The following NEDD4L variants were observed in gnomAD, a reference collection of about 807,000 sequenced individuals.
NEDD4L encodes NEDD4 like E3 ubiquitin protein ligase, also known as E3 ubiquitin-protein ligase NEDD4-like.
NEDD4L carries 54 observed loss-of-function variants against 148.9 expected under a neutral mutation model. The ratio of observed to expected loss-of-function variants is 0.36; its 90% confidence interval spans 0.29 to 0.45. NEDD4L has a LOEUF of 0.45. Ranked by LOEUF, NEDD4L falls within the 20% of genes least tolerant of loss-of-function variation. The probability of loss-of-function intolerance (pLI) is 1.00; values close to 1 mark genes in which losing one functional copy is unlikely to be tolerated. For missense variants in NEDD4L, 856 were observed against 1,233.8 expected, an observed-to-expected ratio of 0.69 and a Z score of 4.59; for synonymous variants, 433 against 440.7, an observed-to-expected ratio of 0.98 and a Z score of 0.22.
intron 1 of NEDD4L, among the ~76,000 whole-genome samples, chr18:58,061,666 T>C (rs2082341644): frequency 1.3e-5 from 2 of 152,196 alleles, no homozygotes; most frequent in Admixed American, 1.3e-4. Context: ...TGGGAACATT[T>C]ACCATCTTTT....
intron 8 of NEDD4L, among the ~76,000 whole-genome samples, 198 bp downstream of exon 8, chr18:58,323,532 A>G (rs1276813649): frequency 6.6e-6 from 1 of 152,212 alleles, no homozygotes; most frequent in Non-Finnish European, 1.5e-5. Flanking sequence ...ATGTTACAAC[A>G]CCAATCCTCG....
intron 5 of NEDD4L, among the ~76,000 whole-genome samples, chr18:58,311,782 C>T (rs1430360539): frequency 6.6e-6 from 1 of 152,166 alleles, no homozygotes; most frequent in Non-Finnish European, 1.5e-5. Context: ...TTTGTGAGGA[C>T]ATCTAAGCCT....
intron 5 of NEDD4L, among the ~76,000 whole-genome samples, chr18:58,254,372 A>G (rs924184624): frequency 1.3e-5 from 2 of 152,174 alleles, no homozygotes; most frequent in South Asian, 2.1e-4. Context: ...CAAGCTAACT[A>G]CAAATCTGAT....
At chr18:58,116,508 A>G (rs2085848756) in intron 1 of NEDD4L, among the ~76,000 whole-genome samples, 1 of 152,194 alleles carries the variant, frequency 6.6e-6, no homozygotes, top group African/African-American at 2.4e-5. Flanking sequence ...AGGTGCATCT[A>G]ATGCAGCCTA....
rs559808875 is a variant in NEDD4L, at chr18:58,129,372, T to A, written c.49-36416T>A. ...CTGTCCTGAAATTTGAGTACAGATG[T>A]GTTCATGTCCTGGGATTAGATAAAA... On this transcript the variant is annotated intron_variant, in intron 1 of 30. Transcript: ENST00000400345. Among the ~76,000 whole-genome samples the A allele has an allele frequency of 2.2e-4, 34 of 152,368 alleles. No individual in the cohort carries two copies. The South Asian group carries it at 7.0e-3, about 32-fold the overall frequency.
At chr18:58,216,422 A>G (rs1368657283) in intron 2 of NEDD4L, among the ~76,000 whole-genome samples, 2 of 152,080 alleles carry the variant, frequency 1.3e-5, no homozygotes, top group African/African-American at 4.8e-5. Context: ...GGTGTGATTT[A>G]TTGTAGCAAG....
At chr18:58,047,248 G>A (rs2081626825) in intron 1 of NEDD4L, 6 of 985,150 alleles carry the variant, frequency 6.1e-6, no homozygotes, top group Non-Finnish European at 7.2e-6. Context: ...ATTTAGAAGA[G>A]TGACCTCATA....
Position 58,198,887 on chromosome 18 carries a change from C to T in NEDD4L, c.122+33026C>T, listed in dbSNP as rs529975972. Among the ~76,000 whole-genome samples, 6 of 152,290 alleles carry T rather than the reference C, an allele frequency of 3.9e-5. No individual in the cohort carries two copies. The East Asian group carries it at 1.2e-3, about 29-fold the overall frequency. ...TGGCGCAATCTCCGCTCACAGCAACCTCTACCTCCCAGGTTCAAGCAATTC... is the reference window on the plus strand; with the variant it reads ...TGGCGCAATCTCCGCTCACAGCAACTTCTACCTCCCAGGTTCAAGCAATTC... On this transcript the variant is annotated intron_variant, in intron 2 of 30. Coordinates refer to ENST00000400345, the MANE Select transcript of NEDD4L (RefSeq NM_001144967.3).
At position 58,347,205 on chromosome 18, in the gene NEDD4L, G is replaced by GCCCCCCCCCCCCCCCCCCCCCC. The variant is rs138430099; in HGVS notation, c.1576-2324_1576-2323insCCCCCCCCCCCCCCCCCCCCCC. ...AATTTCAGCTTCTTTTCACGCTACGGCCCCCCCCGCCCCCCCCCCCCCTTT... is the reference window on the plus strand; with the variant it reads ...AATTTCAGCTTCTTTTCACGCTACGGCCCCCCCCCCCCCCCCCCCCCCCCCCCCCCGCCCCCCCCCCCCCTTT... On this transcript the variant is annotated intron_variant, in intron 16 of 30. Transcript: ENST00000400345. 3.3e-4 allele frequency among the ~76,000 whole-genome samples: 13 copies of GCCCCCCCCCCCCCCCCCCCCCC among 39,558 alleles called. 1 individual carries two copies. Among genetic ancestry groups the GCCCCCCCCCCCCCCCCCCCCCC allele is most frequent in the African/African-American group, 7.0e-4 (5 of 7,134 alleles). 26.0% of individuals were successfully genotyped at this position (39,558 alleles called of 152,430 possible). A position where few individuals can be genotyped will look rare whatever the true frequency, so the allele number is the denominator to read the frequency against.
intron 1 of NEDD4L, chr18:58,045,446 A>G (rs2081533264): frequency 7.5e-6 from 2 of 266,336 alleles, no homozygotes; most frequent in South Asian, 1.7e-4. Flanking sequence ...GATCTCTTTT[A>G]TTAATAAAGC....
At chr18:58,217,356 T>A (rs764464589) in intron 2 of NEDD4L, among the ~76,000 whole-genome samples, 1 of 152,242 alleles carries the variant, frequency 6.6e-6, no homozygotes, top group East Asian at 1.9e-4. Flanking sequence ...TGTAGCTGGT[T>A]TTGAACAAAA....
intron 2 of NEDD4L, among the ~76,000 whole-genome samples, chr18:58,179,975 C>CA (rs940772604): frequency 3.9e-5 from 6 of 152,134 alleles, no homozygotes; most frequent in Non-Finnish European, 8.8e-5. Context: ...TCCCTGGTGC[C>CA]AAAAAAGTTG....
chr18:58,368,396 G>A (rs1246041180), intron 22 of NEDD4L, among the ~76,000 whole-genome samples: 1 of 152,142 alleles, frequency 6.6e-6, no homozygotes, highest in African/African-American at 2.4e-5. Context: ...TACCTTGAAA[G>A]TTAGAAGTCA....
intron 1 of NEDD4L, among the ~76,000 whole-genome samples, chr18:58,159,259 A>G (rs1306418454): frequency 6.6e-6 from 1 of 152,072 alleles, no homozygotes; most frequent in Non-Finnish European, 1.5e-5. Context: ...AGGGATGAGT[A>G]GGCAGAGCAC....
chr18:58,288,399 A>C (rs2054229529), intron 5 of NEDD4L, among the ~76,000 whole-genome samples: 1 of 152,256 alleles, frequency 6.6e-6, no homozygotes, highest in South Asian at 2.1e-4. Flanking sequence ...TAAAAGGAAT[A>C]AGTTGTGGAC....
At chr18:58,286,557 C>A (rs934234340) in intron 5 of NEDD4L, among the ~76,000 whole-genome samples, 3 of 152,124 alleles carry the variant, frequency 2.0e-5, no homozygotes, top group African/African-American at 7.2e-5. Context: ...CTTATCTAGT[C>A]TGCACTCTTT....
In NEDD4L at chr18:58,106,331, G is replaced by A. The variant is rs146899420; in HGVS notation, c.49-59457G>A. On this transcript the variant is annotated intron_variant, in intron 1 of 30. Transcript: ENST00000400345. Reference sequence around the variant, plus strand: ...CTCAGGCTTTTTAACCCTAGTAGAAGCTTTCTTATCTGTAGGTATTTAAGA... The same window carrying A: ...CTCAGGCTTTTTAACCCTAGTAGAAACTTTCTTATCTGTAGGTATTTAAGA... Among the ~76,000 whole-genome samples, 1,009 of 152,344 alleles carry A rather than the reference G, an allele frequency of 6.6e-3. 10 individuals carry two copies. The highest frequency in any genetic ancestry group is 0.023 in the African/African-American group (943 of 41,584).
chr18:58,167,001 A>G (rs539721533), intron 2 of NEDD4L, among the ~76,000 whole-genome samples: 9 of 152,364 alleles, frequency 5.9e-5, no homozygotes, highest in Middle Eastern at 3.4e-3. Flanking sequence ...AGTTTTGTCT[A>G]TTAAAGCAAT....
chr18:58,252,071 A>G lies in NEDD4L; in HGVS notation c.297+17A>G, dbSNP rs115799375. 1.4e-3 allele frequency: 2,251 copies of G among 1,556,496 alleles called. 32 individuals are homozygous for G. The African/African-American group carries it at 0.027, about 19-fold the overall frequency. On this transcript the variant is annotated intron_variant, in intron 5 of 30. Transcript: ENST00000400345. Reference sequence around the variant, plus strand: ...AATAGACTGGTAAGTGGATGCCTGTATTTGAATTTTGCTTCATTTTTTTAT... The same window carrying G: ...AATAGACTGGTAAGTGGATGCCTGTGTTTGAATTTTGCTTCATTTTTTTAT...
Sources: allele counts gnomAD v4.1 joint callset (sites outside exome capture counted in the v4.1 genomes callset), GRCh38; gene constraint gnomAD v4.1.1; transcripts MANE v1.5; gene names NCBI Gene and HGNC (gene_info 2026-07-23, HGNC 2026-07-21).